Variants in SYT12 observed in about 807,000 individuals in gnomAD.
SYT12 encodes synaptotagmin 12, also known as synaptotagmin-12.
A neutral mutation model predicts 39.5 loss-of-function variants in SYT12; 27 were observed. The ratio of observed to expected loss-of-function variants is 0.68; its 90% CI spans 0.50 to 0.94. The LOEUF (loss-of-function observed/expected upper bound fraction) is 0.94. SYT12 is among the 40% of genes least tolerant of loss of function. The probability of loss-of-function intolerance (pLI) is 0.00; values close to 1 mark genes in which losing one functional copy is unlikely to be tolerated. For missense variants in SYT12, 536 were observed against 572.6 expected (o/e 0.94, Z 0.65); for synonymous variants, 233 against 239.7 (o/e 0.97, Z 0.26).
intron 2 of SYT12, chr11:67,030,838 G>A (rs941485993): frequency 6.6e-6 from 1 of 152,394 alleles, no homozygotes; most frequent in African/African-American, 2.4e-5. Context: ...GGTCAGAGAA[G>A]AAACATACCA....
Position 67,023,285 on chromosome 11 carries a change from C to T in SYT12, c.-199C>T, listed in dbSNP as rs1482197706. ...ACTGCGGCGCAGCTCCGGTCCGCCG[C>T]CCCGGCCCGGCCGAGCCCCCGGCCC... On this transcript the variant is annotated 5_prime_UTR_variant, in exon 1 of 8. Transcript: ENST00000527043. 1 of 148,690 alleles carries T rather than the reference C, an allele frequency of 6.7e-6. No homozygotes were observed. The highest frequency in any genetic ancestry group is 1.9e-4 in the East Asian group (1 of 5,168). 9.2% of individuals were successfully genotyped at this position (148,690 alleles called of 1,614,324 possible). A position where few individuals can be genotyped will look rare whatever the true frequency, so the allele number is the denominator to read the frequency against.
intron 7 of SYT12, among the ~76,000 whole-genome samples, chr11:67,047,036 C>T (rs1854573885): frequency 6.6e-6 from 1 of 151,966 alleles, no homozygotes; most frequent in Non-Finnish European, 1.5e-5. Context: ...GTGAACTCAG[C>T]TCACTGCAAC....
chr11:67,025,987 C>A (rs540470819), intron 1 of SYT12, among the ~76,000 whole-genome samples: 23 of 152,102 alleles, frequency 1.5e-4, no homozygotes, highest in Non-Finnish European at 3.1e-4. Flanking sequence ...TAATCTCCCA[C>A]AGCTTTGCTG....
chr11:67,030,360 A>G lies in SYT12; in HGVS notation c.34+182A>G. On this transcript the variant is annotated intron_variant, in intron 2 of 7. Transcript: ENST00000527043. The stretch of plus-strand genomic sequence containing the variant: ...GCCCTGGGGACATCAAGCTTGGCCC[A>G]GTCTGAGGTCTCCTCATCTTGCCAC... 5.1e-6 allele frequency: 3 copies of G among 592,522 alleles called. No homozygotes were observed. In the Admixed American group the frequency reaches 1.0e-4, roughly 20 times the overall value. The allele number at this position is 592,522 out of a possible 1,614,324, so 36.7% of individuals were successfully genotyped here. A position where few individuals can be genotyped will look rare whatever the true frequency, so the allele number is the denominator to read the frequency against.
intron 2 of SYT12, among the ~76,000 whole-genome samples, chr11:67,033,595 A>G (rs984580843): frequency 6.6e-6 from 1 of 152,086 alleles, no homozygotes; most frequent in Non-Finnish European, 1.5e-5. Flanking sequence ...TGGCTGCTAG[A>G]GTTGGGGTCC....
intron 1 of SYT12, among the ~76,000 whole-genome samples, chr11:67,025,011 G>A (rs994769336): frequency 1.3e-5 from 2 of 152,178 alleles, no homozygotes; most frequent in African/African-American, 2.4e-5. Flanking sequence ...CAAAGCTGGG[G>A]GAAGTGGGGG....
chr11:67,049,397 G>A lies in SYT12; in HGVS notation c.*640G>A, dbSNP rs1854681752. Reference sequence around the variant, plus strand: ...CAAGGAAGGGCCTTTCTCGGGGCCGGAGAAGAGACCAAGAGACCAGGCCCG... The same window carrying A: ...CAAGGAAGGGCCTTTCTCGGGGCCGAAGAAGAGACCAAGAGACCAGGCCCG... On this transcript the variant is annotated 3_prime_UTR_variant, in exon 8 of 8. Coordinates refer to ENST00000527043, the MANE Select transcript of SYT12 (RefSeq NM_177963.4). 6.6e-6 allele frequency: 1 copy of A among 152,270 alleles called. No individual in the cohort carries two copies. Among genetic ancestry groups the A allele is most frequent in the South Asian group, 2.1e-4 (1 of 4,832 alleles). The allele number at this position is 152,270 out of a possible 1,614,324, so 9.4% of individuals were successfully genotyped here.
chr11:67,042,215 G>T (rs180869699), intron 4 of SYT12, among the ~76,000 whole-genome samples: 21 of 152,308 alleles, frequency 1.4e-4, no homozygotes, highest in African/African-American at 4.8e-4. Context: ...TGGGCATCAT[G>T]GTTATTGAGG....
intron 7 of SYT12, 82 bp from the exon 8 acceptor site, chr11:67,048,502 A>T: frequency 6.7e-7 from 1 of 1,492,902 alleles, no homozygotes; most frequent in Non-Finnish European, 9.1e-7. Flanking sequence ...CTGGGGCCTG[A>T]CATTTGTAAC....
At chr11:67,042,065 AGGCAGTATAGTG>A (rs1950522526) in intron 4 of SYT12, among the ~76,000 whole-genome samples, 1 of 152,122 alleles carries the variant, frequency 6.6e-6, no homozygotes, top group African/African-American at 2.4e-5. Flanking sequence ...AGCTTCTGAG[AGGCAGTATAGTG>A]GGCGATTAGG....
intron 7 of SYT12, among the ~76,000 whole-genome samples, chr11:67,047,777 C>CTTTTTTTTTT (rs1173796349): frequency 2.6e-5 from 2 of 76,032 alleles, no homozygotes; most frequent in African/African-American, 6.3e-5. Context: ...ACCCCCATCT[C>CTTTTTTTTTT]TTTTTTTTTT....
chr11:67,018,801 C>T (rs909060827), upstream of SYT12, among the ~76,000 whole-genome samples: 6 of 151,036 alleles, frequency 4.0e-5, no homozygotes, highest in East Asian at 7.8e-4. Context: ...CCAGCCTGGG[C>T]GACAGAGCGA....
intron 3 of SYT12, among the ~76,000 whole-genome samples, chr11:67,037,162 C>T (rs368431233): frequency 3.9e-5 from 6 of 152,098 alleles, no homozygotes; most frequent in African/African-American, 1.4e-4. Context: ...GGCTGAGACA[C>T]AAGAATTGCT....
intron 7 of SYT12, among the ~76,000 whole-genome samples, chr11:67,047,947 C>T (rs1168331374): frequency 2.7e-5 from 4 of 149,960 alleles, no homozygotes; most frequent in Admixed American, 1.3e-4. Context: ...GCCACCAGGC[C>T]GGGCTAATTT....
intron 1 of SYT12, among the ~76,000 whole-genome samples, chr11:67,024,785 G>A (rs1950159158): frequency 6.6e-6 from 1 of 152,180 alleles, no homozygotes; most frequent in Non-Finnish European, 1.5e-5. Context: ...TCCTGAAGAG[G>A]CTCACAGGTT....
intron 3 of SYT12, among the ~76,000 whole-genome samples, chr11:67,037,563 A>T (rs1471665427): frequency 1.3e-5 from 2 of 151,188 alleles, no homozygotes; most frequent in African/African-American, 4.9e-5. Context: ...TAAATAAATA[A>T]ATAAATAAAT....
At chr11:67,028,059 A>G (rs61891270) in intron 1 of SYT12, 5,431 of 152,292 alleles carry the variant, frequency 0.036, 125 homozygotes, top group Middle Eastern at 0.058. Context: ...AGTGGTTAGG[A>G]GCATGGAGCC....
At chr11:67,011,146 T>A (rs1950010503) in intron 3 of SYT12, among the ~76,000 whole-genome samples, 1 of 152,166 alleles carries the variant, frequency 6.6e-6, no homozygotes, top group Admixed American at 6.5e-5. Context: ...TCATCTGAGC[T>A]CAAGAGTTTG....
intron 1 of SYT12, among the ~76,000 whole-genome samples, chr11:67,025,814 A>G (rs373468187): frequency 1.3e-5 from 2 of 152,072 alleles, no homozygotes; most frequent in South Asian, 2.1e-4. Context: ...AGGAGGGGGT[A>G]GTAACAGGAT....
Sources: allele counts gnomAD v4.1 joint callset (sites outside exome capture counted in the v4.1 genomes callset), GRCh38; gene constraint gnomAD v4.1.1; transcripts MANE v1.5; gene names NCBI Gene and HGNC (gene_info 2026-07-23, HGNC 2026-07-21).